Variants in CLCA1 observed in about 807,000 individuals in gnomAD.
CLCA1 encodes the protein calcium-activated chloride channel regulator 1.
Under a neutral mutation model 85.6 loss-of-function variants are expected in CLCA1, and 59 were observed. The ratio of observed to expected loss-of-function variants is 0.69; its 90% CI spans 0.56 to 0.86. CLCA1 has a LOEUF of 0.86. Among genes scored for constraint, CLCA1 ranks in the 40% least tolerant of loss-of-function variants. The pLI, the probability that CLCA1 is intolerant of heterozygous loss-of-function variation, is 0.00. For missense variants in CLCA1, 1,022 were observed against 1,101.4 expected (o/e 0.93, Z 1.02); for synonymous variants, 396 against 398.3 (o/e 0.99, Z 0.07).
chr1:86,471,585 A>G (rs930287263), intron 1 of CLCA1, among the ~76,000 whole-genome samples: 1 of 152,226 alleles, frequency 6.6e-6, no homozygotes, highest in Non-Finnish European at 1.5e-5. Flanking sequence ...CACAAGTCAA[A>G]TGGTAAAACA....
At chr1:86,485,822 TG>T (rs1398157179) in intron 6 of CLCA1, among the ~76,000 whole-genome samples, 2 of 152,236 alleles carry the variant, frequency 1.3e-5, no homozygotes, top group African/African-American at 4.8e-5. Context: ...AATGTTTCAC[TG>T]ACAATATATA....
intron 8 of CLCA1, 66 bp downstream of exon 8, chr1:86,489,236 T>G (rs545299508): frequency 6.9e-7 from 1 of 1,446,370 alleles, no homozygotes; most frequent in African/African-American, 1.4e-5. Flanking sequence ...TCCAGTGAAC[T>G]GGGGAGTGGG....
Position 86,469,148 on chromosome 1 carries a change from A to G in CLCA1, c.162+15A>G. ...AACAAATAAAGGTAAGTTCATAGTA[A>G]TTATCCATACTTTTTTAAAAATAGC... is the stretch of plus-strand genomic sequence containing the variant. On this transcript the variant is annotated intron_variant, in intron 1 of 13. Transcript: ENST00000394711. 1 of 1,569,498 alleles carries G rather than the reference A, an allele frequency of 6.4e-7. No homozygotes were observed.
intron 3 of CLCA1, among the ~76,000 whole-genome samples, chr1:86,474,527 C>A (rs1384956234): frequency 6.7e-6 from 1 of 149,556 alleles, no homozygotes; most frequent in Admixed American, 6.7e-5. Context: ...GCACTCCAGC[C>A]TGGGCGACAG....
At chr1:86,498,919 AGG>A in intron 13 of CLCA1, 108 bp downstream of exon 13, 1 of 1,254,142 alleles carries the variant, frequency 8.0e-7, no homozygotes, top group East Asian at 2.4e-5. Context: ...GGCAGAAGGC[AGG>A]AGGGATCTTG....
Position 86,475,958 on chromosome 1 carries a change from C to A in CLCA1, c.452-490C>A, listed in dbSNP as rs530831361. ...ATTGCAGCAATTCAGGAGTAAGTGGCAATGGGCCTGGAAAGGTGAGAATGA... is the reference window on the plus strand; with the variant it reads ...ATTGCAGCAATTCAGGAGTAAGTGGAAATGGGCCTGGAAAGGTGAGAATGA... On this transcript the variant is annotated intron_variant, in intron 3 of 13. Coordinates refer to ENST00000394711, the MANE Select transcript of CLCA1 (RefSeq NM_001285.4). Among the ~76,000 whole-genome samples, 4 of 152,114 alleles carry A rather than the reference C, an allele frequency of 2.6e-5. No homozygotes were observed. In the South Asian group the frequency reaches 8.3e-4, roughly 32 times the overall value.
chr1:86,495,986 G>A (rs1471150419), intron 12 of CLCA1, among the ~76,000 whole-genome samples: 1 of 152,112 alleles, frequency 6.6e-6, no homozygotes, highest in Non-Finnish European at 1.5e-5. Context: ...GAAAATCACT[G>A]GATAGAACAT....
Position 86,495,775 on chromosome 1 carries a change from G to A in CLCA1, c.2113+100G>A, listed in dbSNP as rs553811696. On this transcript the variant is annotated intron_variant, in intron 12 of 13. Transcript: ENST00000394711. The stretch of plus-strand genomic sequence containing the variant: ...GCAGAATGGTGCATGATTAAATCAG[G>A]GTTTCTCAACCTTGGCATTATTAAG... 4 of 1,148,676 alleles carry A rather than the reference G, an allele frequency of 3.5e-6. No individual in the cohort carries two copies. In the Admixed American group the frequency reaches 8.8e-5, roughly 25 times the overall value. The allele number at this position is 1,148,676 out of a possible 1,614,324, so 71.2% of individuals were successfully genotyped here.
chr1:86,469,482 C>A (rs994742002), intron 1 of CLCA1, among the ~76,000 whole-genome samples: 1 of 152,172 alleles, frequency 6.6e-6, no homozygotes, highest in East Asian at 1.9e-4. Context: ...AGATCCTTTG[C>A]CTGATTTTAC....
chr1:86,472,127 A>G (rs572961471), intron 1 of CLCA1, among the ~76,000 whole-genome samples: 47 of 151,404 alleles, frequency 3.1e-4, no homozygotes, highest in Non-Finnish European at 6.0e-4. Context: ...CTATTTCTCC[A>G]TTCCCCTTTA....
At chr1:86,486,994 G>A (rs1471753649) in intron 7 of CLCA1, among the ~76,000 whole-genome samples, 1 of 152,156 alleles carries the variant, frequency 6.6e-6, no homozygotes, top group African/African-American at 2.4e-5. Flanking sequence ...CCCTAAGCCT[G>A]CTATTTGGGC....
Position 86,485,662 on chromosome 1 carries a change from A to G in CLCA1, c.954+101A>G. On this transcript the variant is annotated intron_variant, in intron 6 of 13. Transcript: ENST00000394711. ...TGCGAATAAACATAACCCGAGGGCC[A>G]GAATAGTTATAACTGTAACATTGTC... The G allele has an allele frequency of 3.9e-6, 4 of 1,025,918 alleles. No homozygotes were observed. The Admixed American group carries it at 5.5e-5, about 14-fold the overall frequency. The allele number at this position is 1,025,918 out of a possible 1,614,324, so 63.6% of individuals were successfully genotyped here. A position where few individuals can be genotyped will look rare whatever the true frequency, so the allele number is the denominator to read the frequency against.
chr1:86,495,386 C>T, intron 11 of CLCA1, 119 bp from the exon 12 acceptor site: 4 of 773,354 alleles, frequency 5.2e-6, no homozygotes, highest in South Asian at 3.9e-5. Context: ...ATCTTAAGGT[C>T]TCTTGGAGCT....
intron 4 of CLCA1, among the ~76,000 whole-genome samples, chr1:86,479,801 C>T (rs1422259149): frequency 1.3e-5 from 2 of 152,098 alleles, no homozygotes; most frequent in East Asian, 1.9e-4. Context: ...AGGAGAATGG[C>T]ATGAACCCGG....
Position 86,495,605 on chromosome 1 carries a change from T to C in CLCA1, c.2043T>C (p.Val681=). 1 of 1,614,140 alleles carries C rather than the reference T, an allele frequency of 6.2e-7. No individual in the cohort carries two copies. The highest frequency in any genetic ancestry group is 8.5e-7 in the Non-Finnish European group (1 of 1,180,002). Residue 681 remains valine (V), a synonymous_variant, in exon 12 of 14, where the codon GTT becomes GTC. Transcript: ENST00000394711. ...TAAAAGTGCGGGCTCTGGGAGGAGT[T>C]AACGCAGCCAGACGGAGAGTGATAC... ...YSVKVRALGG[V]NAARRRVIPQ...
At chr1:86,477,836 GC>G (rs1235213820) in intron 4 of CLCA1, among the ~76,000 whole-genome samples, 3 of 152,170 alleles carry the variant, frequency 2.0e-5, no homozygotes, top group African/African-American at 7.2e-5. Context: ...ACTTATTCCT[GC>G]ATTTAAAAAC....
At chr1:86,473,154 G>A (rs548807581) in intron 1 of CLCA1, among the ~76,000 whole-genome samples, 4 of 152,220 alleles carry the variant, frequency 2.6e-5, no homozygotes, top group South Asian at 2.1e-4. Context: ...AGAAATTGCC[G>A]AATGTCCCAC....
At chr1:86,478,889 C>G (rs1558136091) in intron 4 of CLCA1, among the ~76,000 whole-genome samples, 1 of 152,146 alleles carries the variant, frequency 6.6e-6, no homozygotes, top group African/African-American at 2.4e-5. Flanking sequence ...ACAGCACTGC[C>G]CAGGACAGGA....
At position 86,475,544 on chromosome 1, in the gene CLCA1, T is replaced by C. The variant is rs543602864; in HGVS notation, c.452-904T>C. ...TGGCAAGTAAGTAGCAATGACTGTTTATCATTGTAAGTGCCTAATGGGAGA... is the reference window on the plus strand; with the variant it reads ...TGGCAAGTAAGTAGCAATGACTGTTCATCATTGTAAGTGCCTAATGGGAGA... On this transcript the variant is annotated intron_variant, in intron 3 of 13. Coordinates refer to ENST00000394711, the MANE Select transcript of CLCA1 (RefSeq NM_001285.4). Among the ~76,000 whole-genome samples the C allele has an allele frequency of 3.3e-5, 5 of 152,314 alleles. No individual in the cohort carries two copies. In the South Asian group the frequency reaches 1.0e-3, roughly 32 times the overall value.
Sources: gnomAD v4.1 joint callset for allele counts (sites outside exome capture counted in the v4.1 genomes callset) on GRCh38, gnomAD v4.1.1 for gene constraint, MANE v1.5 for transcripts, NCBI Gene and HGNC (gene_info 2026-07-23, HGNC 2026-07-21) for gene names.